The following ANKRD18B variants were observed in gnomAD, a reference collection of about 807,000 sequenced individuals.
ANKRD18B encodes the protein ankyrin repeat domain-containing protein 18B.
In ANKRD18B, 75 loss-of-function variants were observed where a neutral mutation model predicts 111.8. The ratio of observed to expected loss-of-function variants is 0.67; its 90% CI spans 0.56 to 0.81. ANKRD18B has a LOEUF of 0.81. Ranked by LOEUF, ANKRD18B falls within the 40% of genes least tolerant of loss-of-function variation. ANKRD18B has a pLI of 0.00. For missense variants in ANKRD18B, 1,038 were observed against 1,225.5 expected, an observed-to-expected ratio of 0.85 and a Z score of 2.28; for synonymous variants, 356 against 417.3, an observed-to-expected ratio of 0.85 and a Z score of 1.79.
intron 16 of ANKRD18B, among the ~76,000 whole-genome samples, chr9:33,568,164 T>TA (rs1456205965): frequency 1.1e-4 from 16 of 152,270 alleles, no homozygotes; most frequent in Non-Finnish European, 5.9e-5. Context: ...ACTGGTTTAC[T>TA]AAACACAAGT....
At chr9:33,540,544 A>G (rs1024230777) in intron 8 of ANKRD18B, among the ~76,000 whole-genome samples, 2 of 152,228 alleles carry the variant, frequency 1.3e-5, no homozygotes, top group Non-Finnish European at 2.9e-5. Context: ...GCTCTTGGAT[A>G]GGGAGCCAGC....
At chr9:33,547,179 G>A (rs911998670) in intron 10 of ANKRD18B, among the ~76,000 whole-genome samples, 1 of 152,138 alleles carries the variant, frequency 6.6e-6, no homozygotes, top group Non-Finnish European at 1.5e-5. Context: ...TTATGCCTGT[G>A]TCTTTTTGTT....
chr9:33,552,000 A>G (rs2118075594), intron 12 of ANKRD18B, among the ~76,000 whole-genome samples: 1 of 152,382 alleles, frequency 6.6e-6, no homozygotes, highest in South Asian at 2.1e-4. Context: ...TTAATGGAAG[A>G]TAATTTTGTC....
rs778635381 is a variant in ANKRD18B, at chr9:33,524,660, G to A, written c.171G>A (p.Arg57=). ...AGGTGGAGCACTGCCTGACGCGCAG[G>A]TTCCGGGACTTGGACGTCCGCGACA... The part of the protein sequence containing the change: ...AAEVEHCLTR[R]FRDLDVRDRK... The change falls in exon 1 of 19, where the codon AGG becomes AGA. Residue 57 remains arginine (R), a synonymous_variant. Coordinates refer to ENST00000684830, the MANE Select transcript of ANKRD18B (RefSeq NM_001393611.1). The A allele has an allele frequency of 2.6e-6, 4 of 1,551,084 alleles. No individual in the cohort carries two copies. The South Asian group carries it at 3.6e-5, about 14-fold the overall frequency.
chr9:33,547,849 C>CATGA lies in ANKRD18B; in HGVS notation c.1150-85_1150-82dup, dbSNP rs1296947439. 23 of 921,372 alleles carry CATGA rather than the reference C, an allele frequency of 2.5e-5. No individual in the cohort carries two copies. The Admixed American group carries it at 8.5e-4, about 34-fold the overall frequency. 57.1% of individuals were successfully genotyped at this position (921,372 alleles called of 1,614,324 possible). On this transcript the variant is annotated intron_variant, in intron 10 of 18. Transcript: ENST00000684830. ...ATCCACTTACAGCAACTTTTAATTGCATGAATGTATAGGTTGCTCTTTCAC... is the reference window on the plus strand; with the variant it reads ...ATCCACTTACAGCAACTTTTAATTGCATGAATGAATGTATAGGTTGCTCTTTCAC...
chr9:33,548,239 A>G lies in ANKRD18B; in HGVS notation c.1451A>G (p.Glu484Gly), dbSNP rs1440428981. The change falls in exon 11 of 19, where the codon GAA (glutamate) becomes GGA (glycine). Residue 484 changes from glutamate to glycine, a missense_variant. Physicochemically the swap from Glu to Gly is moderately conservative, Grantham distance 98 (BLOSUM62 -2). Transcript: ENST00000684830. ...TTGGAGAAGGAAAAACACAACAAAG[A>G]AAGACTAGAAGCTGAAGTTGAATCC... Reference protein sequence around the residue: ...SKLEKEKHNKERLEAEVESLH... With the variant: ...SKLEKEKHNKGRLEAEVESLH... 7 of 1,551,026 alleles carry G rather than the reference A, an allele frequency of 4.5e-6. No individual in the cohort carries two copies. The Admixed American group carries it at 1.2e-4, about 26-fold the overall frequency.
intron 11 of ANKRD18B, 128 bp from the exon 12 acceptor site, chr9:33,550,302 A>C: frequency 1.0e-6 from 1 of 998,862 alleles, no homozygotes. Flanking sequence ...GAAAGTGTAC[A>C]TATGAGGAAA....
intron 17 of ANKRD18B, 23 bp downstream of exon 17, chr9:33,568,916 T>C (rs1354010887): frequency 3.3e-6 from 5 of 1,503,514 alleles, no homozygotes; most frequent in Non-Finnish European, 8.9e-7. Context: ...ACCATTTCTC[T>C]TTTGGGTTTC....
At chr9:33,542,894 T>C (rs965237659) in intron 9 of ANKRD18B, among the ~76,000 whole-genome samples, 8 of 152,200 alleles carry the variant, frequency 5.3e-5, no homozygotes, top group Non-Finnish European at 1.2e-4. Context: ...TTTTTAAATT[T>C]TGGTTTGTTT....
chr9:33,560,073 C>G (rs759327534), intron 14 of ANKRD18B, among the ~76,000 whole-genome samples: 2 of 152,174 alleles, frequency 1.3e-5, no homozygotes, highest in Non-Finnish European at 1.5e-5. Context: ...TTTCACTTAG[C>G]ATAATTTTTC....
intron 3 of ANKRD18B, among the ~76,000 whole-genome samples, chr9:33,530,526 G>T (rs1285687852): frequency 2.7e-5 from 1 of 37,290 alleles, no homozygotes; most frequent in Admixed American, 3.7e-4. Context: ...CACAACAAGA[G>T]CAAAAAAAAA....
chr9:33,561,688 G>A (rs1828610958), intron 14 of ANKRD18B, among the ~76,000 whole-genome samples: 1 of 152,138 alleles, frequency 6.6e-6, no homozygotes, highest in African/African-American at 2.4e-5. Context: ...TTTAAATATG[G>A]TATTAGGTGA....
intron 1 of ANKRD18B, among the ~76,000 whole-genome samples, chr9:33,526,852 C>A (rs993273976): frequency 3.3e-4 from 50 of 152,066 alleles, no homozygotes; most frequent in Non-Finnish European, 1.2e-4. Context: ...TAACAAATAG[C>A]AAATATTATT....
intron 3 of ANKRD18B, among the ~76,000 whole-genome samples, chr9:33,533,218 G>A (rs1828142300): frequency 6.6e-6 from 1 of 152,212 alleles, no homozygotes; most frequent in Non-Finnish European, 1.5e-5. Flanking sequence ...GGTAAATAAA[G>A]TGAGTTTTGG....
chr9:33,573,644 C>A (rs546084065), downstream of ANKRD18B, among the ~76,000 whole-genome samples: 23 of 144,682 alleles, frequency 1.6e-4, 4 homozygotes, highest in Admixed American at 1.3e-3. Flanking sequence ...GGAGGAGAGG[C>A]CTTGCAGCCC....
At position 33,529,045 on chromosome 9, in the gene ANKRD18B, C is replaced by T. The variant is rs2890511; in HGVS notation, c.367C>T (p.Arg123Cys). 72 of 1,612,148 alleles carry T rather than the reference C, an allele frequency of 4.5e-5. No homozygotes were observed. Among genetic ancestry groups the T allele is most frequent in the Admixed American group, 3.0e-4 (18 of 59,984 alleles). Residue 123 changes from arginine to cysteine, a missense_variant, in exon 3 of 19, where the codon CGT becomes TGT. This residue lies in a region of ANKRD18B where 216 missense variants were observed against 205.1 expected (regional missense o/e 1.05). Transcript: ENST00000684830. ...EEACAIILLKRGANPNIKDIY... is the reference protein window; with the variant it reads ...EEACAIILLKCGANPNIKDIY... ...GGCTTGTGCCATTATTCTCCTGAAA[C>T]GTGGCGCCAATCCAAACATTAAGGA...
chr9:33,545,901 A>G (rs1317285735), intron 10 of ANKRD18B, among the ~76,000 whole-genome samples: 3 of 152,172 alleles, frequency 2.0e-5, no homozygotes, highest in Admixed American at 6.5e-5. Context: ...ATGTGTAATT[A>G]TGTGTCAAAG....
intron 10 of ANKRD18B, among the ~76,000 whole-genome samples, chr9:33,545,960 A>T (rs1192852446): frequency 6.6e-6 from 1 of 152,140 alleles, no homozygotes; most frequent in African/African-American, 2.4e-5. Context: ...CATTCTCATA[A>T]TCTTTGTTCA....
chr9:33,524,947 A>G (rs1326027708), intron 1 of ANKRD18B, among the ~76,000 whole-genome samples: 1 of 152,266 alleles, frequency 6.6e-6, no homozygotes, highest in Admixed American at 6.5e-5. Flanking sequence ...GTGCCTAATG[A>G]GAACTCATTC....
Sources: gnomAD v4.1 joint callset for allele counts (sites outside exome capture counted in the v4.1 genomes callset) on GRCh38, gnomAD v4.1.1 for gene constraint, gnomAD v4.1.1 regional missense constraint, MANE v1.5 for transcripts, NCBI Gene and HGNC (gene_info 2026-07-23, HGNC 2026-07-21) for gene names.